Variants in IKZF2 observed in about 807,000 individuals in gnomAD.
IKZF2 encodes the protein IKAROS family zinc finger 2.
In IKZF2, 15 loss-of-function variants were observed where a neutral mutation model predicts 49.2. The observed-to-expected ratio is 0.30, with a 90% confidence interval of 0.20 to 0.47. The LOEUF is 0.47. Among genes scored for constraint, IKZF2 ranks in the 20% least tolerant of loss-of-function variants. IKZF2 has a pLI of 1.00. For synonymous variants in IKZF2, 227 were observed against 221.4 expected (o/e 1.03, Z -0.23); for missense variants, 567 against 664.6 (o/e 0.85, Z 1.61).
intron 6 of IKZF2, among the ~76,000 whole-genome samples, chr2:213,031,274 T>A (rs1459617159): frequency 6.6e-6 from 1 of 152,244 alleles, no homozygotes. Context: ...GAGACAAATG[T>A]CATTCCTGCA....
At chr2:213,038,284 C>A (rs535405893) in intron 6 of IKZF2, among the ~76,000 whole-genome samples, 128 of 152,256 alleles carry the variant, frequency 8.4e-4, no homozygotes, top group Non-Finnish European at 1.5e-3. Context: ...TGGTCTCGAT[C>A]TCCTGGCCTC....
chr2:213,040,945 C>T (rs923103887), intron 6 of IKZF2, among the ~76,000 whole-genome samples: 26 of 152,096 alleles, frequency 1.7e-4, no homozygotes, highest in Admixed American at 8.5e-4. Context: ...CGGTGAAACC[C>T]CGTCTCTACT....
intron 4 of IKZF2, among the ~76,000 whole-genome samples, chr2:213,112,453 G>A (rs2059739973): frequency 6.7e-6 from 1 of 149,752 alleles, no homozygotes; most frequent in South Asian, 2.1e-4. Context: ...CATAATCATA[G>A]TTCTTTCCTT....
chr2:213,096,204 T>C (rs547802713), intron 4 of IKZF2, among the ~76,000 whole-genome samples: 2 of 152,034 alleles, frequency 1.3e-5, no homozygotes, highest in Admixed American at 6.6e-5. Flanking sequence ...AGCCAGAGAA[T>C]AGGAAATATT....
intron 4 of IKZF2, among the ~76,000 whole-genome samples, chr2:213,065,613 T>C (rs114350148): frequency 0.022 from 3,358 of 152,194 alleles, 132 homozygotes; most frequent in African/African-American, 0.076. Flanking sequence ...GTGCGTTATA[T>C]ATATCAACTG....
chr2:213,145,744 C>T (rs1339620212), intron 4 of IKZF2, among the ~76,000 whole-genome samples: 3 of 151,958 alleles, frequency 2.0e-5, no homozygotes, highest in Admixed American at 2.0e-4. Flanking sequence ...GAAGTGAGAG[C>T]CAAAATATTT....
At chr2:213,138,147 G>T (rs1171647465) in intron 4 of IKZF2, among the ~76,000 whole-genome samples, 1 of 152,034 alleles carries the variant, frequency 6.6e-6, no homozygotes, top group East Asian at 1.9e-4. Flanking sequence ...TTAAGTGATG[G>T]AGAACTGGCT....
chr2:213,070,816 T>C (rs1287917373), intron 4 of IKZF2, among the ~76,000 whole-genome samples: 1 of 152,080 alleles, frequency 6.6e-6, no homozygotes. Context: ...CTCAAAATAA[T>C]ACTGCTGGAA....
intron 4 of IKZF2, among the ~76,000 whole-genome samples, chr2:213,100,211 A>G (rs1322060261): frequency 6.6e-6 from 1 of 152,104 alleles, no homozygotes; most frequent in East Asian, 1.9e-4. Flanking sequence ...AAAACAAAAT[A>G]CAAGCCCCCT....
intron 6 of IKZF2, among the ~76,000 whole-genome samples, chr2:213,048,174 A>C (rs992924888): frequency 6.6e-6 from 1 of 152,134 alleles, no homozygotes. Context: ...TGAATTACCC[A>C]ATTTGAATAT....
intron 6 of IKZF2, among the ~76,000 whole-genome samples, chr2:213,023,638 G>A (rs1697474274): frequency 6.6e-6 from 1 of 152,048 alleles, no homozygotes; most frequent in South Asian, 2.1e-4. Context: ...TCCAAGATAT[G>A]GGACTACATA....
chr2:213,012,115 A>G, intron 8 of IKZF2, among the ~76,000 whole-genome samples: 1 of 152,070 alleles, frequency 6.6e-6, no homozygotes, highest in East Asian at 1.9e-4. Context: ...TGGAATGATG[A>G]AATTTTTTGT....
Position 213,007,336 on chromosome 2 carries a change from G to A in IKZF2, c.*24C>T, listed in dbSNP as rs1237578313. On this transcript the variant is annotated 3_prime_UTR_variant, in exon 9 of 9. Transcript: ENST00000434687. ...TCATGTGCAGTTCTTTACTTCATAG[G>A]GGTCCCCTTTGGAATGAAAAGGCCT... The A allele has an allele frequency of 1.2e-6, 2 of 1,604,972 alleles. No individual in the cohort carries two copies. The highest frequency in any genetic ancestry group is 2.2e-5 in the South Asian group (2 of 89,660).
intron 4 of IKZF2, among the ~76,000 whole-genome samples, chr2:213,074,696 C>G (rs574623761): frequency 6.6e-5 from 10 of 152,254 alleles, no homozygotes; most frequent in Non-Finnish European, 1.2e-4. Context: ...TCAAATTTCA[C>G]TAAGAATCTA....
intron 4 of IKZF2, chr2:213,147,362 G>C: frequency 6.2e-6 from 3 of 487,014 alleles, no homozygotes; most frequent in Non-Finnish European, 1.1e-5. Context: ...TAACTGTGAA[G>C]AGTCCTTTGG....
intron 4 of IKZF2, among the ~76,000 whole-genome samples, chr2:213,071,843 T>C (rs950906871): frequency 2.6e-5 from 4 of 152,070 alleles, no homozygotes; most frequent in African/African-American, 9.7e-5. Flanking sequence ...AACAAAATTA[T>C]ATAATTGTCT....
chr2:213,092,170 T>C (rs1705419432), intron 4 of IKZF2, among the ~76,000 whole-genome samples: 1 of 151,984 alleles, frequency 6.6e-6, no homozygotes, highest in African/African-American at 2.4e-5. Flanking sequence ...GAACCACATA[T>C]GCACACCACC....
At chr2:213,109,076 T>C (rs1036962201) in intron 4 of IKZF2, among the ~76,000 whole-genome samples, 1 of 152,106 alleles carries the variant, frequency 6.6e-6, no homozygotes, top group African/African-American at 2.4e-5. Flanking sequence ...CATTTTATTC[T>C]ATCCAATTAA....
chr2:213,084,403 A>C (rs1704324441), intron 4 of IKZF2, among the ~76,000 whole-genome samples: 1 of 152,194 alleles, frequency 6.6e-6, no homozygotes, highest in Admixed American at 6.5e-5. Flanking sequence ...AGATTCTCCT[A>C]AACTACAGTT....
Sources: gnomAD v4.1 joint callset for allele counts (sites outside exome capture counted in the v4.1 genomes callset) on GRCh38, gnomAD v4.1.1 for gene constraint, MANE v1.5 for transcripts, NCBI Gene and HGNC (gene_info 2026-07-23, HGNC 2026-07-21) for gene names.